Variants in ZNF467 observed in about 807,000 individuals in gnomAD.
The protein encoded by ZNF467 is zinc finger protein 467, also known as zinc finger protein EZI.
ZNF467 carries 51 observed loss-of-function variants against 47.8 expected under a neutral mutation model. The ratio of observed to expected loss-of-function variants is 1.07; its 90% CI spans 0.85 to 1.35. ZNF467 has a LOEUF of 1.35. Among genes scored for constraint, ZNF467 ranks in the 40% most tolerant of loss-of-function variants. The probability of loss-of-function intolerance (pLI) is 0.00; values close to 1 mark genes in which losing one functional copy is unlikely to be tolerated. For missense variants in ZNF467, 992 were observed against 858.1 expected (o/e 1.16, Z -1.95); for synonymous variants, 416 against 372.9 (o/e 1.12, Z -1.33).
rs1168400006 is a variant in ZNF467, at chr7:149,765,190, G to T, written c.1312C>A (p.Arg438Ser). The T allele has an allele frequency of 6.6e-7, 1 of 1,505,296 alleles. No individual in the cohort carries two copies. The allele number at this position is 1,505,296 out of a possible 1,614,324, so 93.2% of individuals were successfully genotyped here. A position where few individuals can be genotyped will look rare whatever the true frequency, so the allele number is the denominator to read the frequency against. Reference sequence around the variant, plus strand: ...AGGTGCTGCCCATGGGAGAAGCCGCGCCCGCAGTCCGGGCAGAAGAAGGAC... The same window carrying T: ...AGGTGCTGCCCATGGGAGAAGCCGCTCCCGCAGTCCGGGCAGAAGAAGGAC... ...ERSFFCPDCGRGFSHGQHLAR... is the reference protein window; with the variant it reads ...ERSFFCPDCGSGFSHGQHLAR... The change falls in exon 5 of 5, where the codon CGC becomes AGC. Residue 438 changes from arginine to serine, a missense_variant. Physicochemically the swap from Arg to Ser is moderately radical, Grantham distance 110. Transcript: ENST00000302017.
In ZNF467 at chr7:149,765,676, C is replaced by G; in HGVS notation, c.826G>C (p.Glu276Gln). 2 of 1,613,186 alleles carry G rather than the reference C, an allele frequency of 1.2e-6. No individual in the cohort carries two copies. The highest frequency in any genetic ancestry group is 1.7e-6 in the Non-Finnish European group (2 of 1,179,784). ...TTCTTGCGAAAGCGCTTCTCGCATT[C>G]CGTGCAGGGGAAGGGCCGCTCGCCG... ...HTGERPFPCT[E>Q]CEKRFRKKTH... The change falls in exon 5 of 5, where the codon GAA (glutamate) becomes CAA (glutamine). Residue 276 changes from glutamate to glutamine, a missense_variant. Physicochemically the swap from Glu to Gln is conservative, Grantham distance 29. Transcript: ENST00000302017.
intron 3 of ZNF467, 151 bp downstream of exon 3, chr7:149,770,289 G>C (rs1460570431): frequency 8.8e-6 from 5 of 571,240 alleles, no homozygotes; most frequent in Non-Finnish European, 1.2e-5. Context: ...ACACATAATA[G>C]GTGCTCAATA....
rs779727010 is a variant in ZNF467 at position 149,765,807 on chromosome 7, G to C, written c.695C>G (p.Thr232Ser). 1 of 1,610,814 alleles carries C rather than the reference G, an allele frequency of 6.2e-7. No homozygotes were observed. Among genetic ancestry groups the C allele is most frequent in the Admixed American group, 1.7e-5 (1 of 59,670 alleles). The part of the protein sequence containing the change: ...DKRFSKKAHL[T>S]RHLRTHTGER... ...GCCCGTGTGCGTGCGCAGGTGGCGG[G>C]TCAGATGGGCCTTCTTGCTGAAGCG... Residue 232 changes from threonine to serine, a missense_variant, in exon 5 of 5, where the codon ACC (threonine) becomes AGC (serine). Physicochemically the swap from Thr to Ser is moderately conservative, Grantham distance 58. Transcript: ENST00000302017.
chr7:149,773,831 TTCCACCCCGA>T (rs1330824433), upstream of ZNF467, among the ~76,000 whole-genome samples: 2 of 151,980 alleles, frequency 1.3e-5, no homozygotes, highest in African/African-American at 4.8e-5. Context: ...TCCACCCGGA[TTCCACCCCGA>T]TCCACCCAGA....
chr7:149,774,649 C>T (rs1053400376), upstream of ZNF467, among the ~76,000 whole-genome samples: 10 of 152,164 alleles, frequency 6.6e-5, no homozygotes, highest in South Asian at 2.1e-4. This position sits in a 1 kb window ranked among gnomAD's most constrained non-coding sequence, Gnocchi z 5.7. Flanking sequence ...TGTCACTGTG[C>T]GTGCTGGGGT....
rs773449536 is a variant in ZNF467 at position 149,765,132 on chromosome 7, C to A, written c.1370G>T (p.Arg457Leu). 2 of 1,482,912 alleles carry A rather than the reference C, an allele frequency of 1.3e-6. No homozygotes were observed. Among genetic ancestry groups the A allele is most frequent in the African/African-American group, 1.5e-5 (1 of 68,880 alleles). 91.9% of individuals were successfully genotyped at this position (1,482,912 alleles called of 1,614,324 possible). ...ARHPRVHTGE[R>L]PFACTQCDRR... Reference sequence around the variant, plus strand: ...GTCACACTGCGTGCAGGCGAAGGGCCGTTCGCCCGTGTGCACGCGCGGGTG... The same window carrying A: ...GTCACACTGCGTGCAGGCGAAGGGCAGTTCGCCCGTGTGCACGCGCGGGTG... Residue 457 changes from arginine (R) to leucine (L), a missense_variant, in exon 5 of 5, where the codon CGG becomes CTG. Physicochemically the swap from Arg to Leu is moderately radical, Grantham distance 102. Transcript: ENST00000302017.
chr7:149,764,675 GA>G lies in ZNF467; in HGVS notation c.*38del. The stretch of plus-strand genomic sequence containing the variant: ...GGCGGTCTCATGGCACGGGCCTCTC[GA>G]AACTGTGGGCAAGAAAGGGTCCTCG... On this transcript the variant is annotated 3_prime_UTR_variant, in exon 5 of 5. Transcript: ENST00000302017. The G allele has an allele frequency of 1.3e-6, 2 of 1,571,766 alleles. No homozygotes were observed. Among genetic ancestry groups the G allele is most frequent in the Non-Finnish European group, 1.7e-6 (2 of 1,155,978 alleles).
At position 149,765,806 on chromosome 7, in the gene ZNF467, G is replaced by A. The variant is rs562767716; in HGVS notation, c.696C>T (p.Thr232=). 5.3e-5 allele frequency: 85 copies of A among 1,610,740 alleles called. No individual in the cohort carries two copies. In the African/African-American group the frequency reaches 1.0e-3, roughly 19 times the overall value. ...DKRFSKKAHL[T]RHLRTHTGER... is the part of the protein sequence containing the mutation. ...CGCCCGTGTGCGTGCGCAGGTGGCGGGTCAGATGGGCCTTCTTGCTGAAGC... is the reference window on the plus strand; with the variant it reads ...CGCCCGTGTGCGTGCGCAGGTGGCGAGTCAGATGGGCCTTCTTGCTGAAGC... The change falls in exon 5 of 5, where the codon ACC becomes ACT. Residue 232 remains threonine (T), a synonymous_variant. Coordinates refer to ENST00000302017, the MANE Select transcript of ZNF467 (RefSeq NM_207336.3).
intron 2 of ZNF467, 114 bp downstream of exon 2, chr7:149,770,885 G>T (rs1799380788): frequency 2.2e-6 from 3 of 1,341,440 alleles, no homozygotes; most frequent in South Asian, 1.2e-5. Flanking sequence ...TGACCTACAG[G>T]CCCCTGGGGC....
In ZNF467 at chr7:149,765,293, C is replaced by T; in HGVS notation, c.1209G>A (p.Leu403=). 6.8e-7 allele frequency: 1 copy of T among 1,472,796 alleles called. No homozygotes were observed. The highest frequency in any genetic ancestry group is 9.0e-7 in the Non-Finnish European group (1 of 1,110,820). 91.2% of individuals were successfully genotyped at this position (1,472,796 alleles called of 1,614,324 possible). A position where few individuals can be genotyped will look rare whatever the true frequency, so the allele number is the denominator to read the frequency against. ...AGCCCGGTCCGCCAGGCGCGCTGGC[C>T]AGGGGCTTGGCGGCGGGGGCATCCA... The part of the protein sequence containing the change: ...ATVDAPAAKP[L]ASAPGGPGCG... Residue 403 remains leucine (L), a synonymous_variant, in exon 5 of 5, where the codon CTG becomes CTA. Transcript: ENST00000302017.
chr7:149,770,336 A>AAGGG lies in ZNF467; in HGVS notation c.151+100_151+103dup, dbSNP rs559103295. The AAGGG allele has an allele frequency of 4.7e-5, 28 of 599,758 alleles. No individual in the cohort carries two copies. The Middle Eastern group carries it at 1.2e-3, about 25-fold the overall frequency. 37.2% of individuals were successfully genotyped at this position (599,758 alleles called of 1,614,324 possible). ...AATGGAAGGAAGGAAGGAAAGAAGG[A>AAGGG]AGGGAGGGAGGGAGGGGGGAGGGAA... On this transcript the variant is annotated intron_variant, in intron 3 of 4. Transcript: ENST00000302017.
chr7:149,770,478 G>T lies in ZNF467; in HGVS notation c.113C>A (p.Ser38Tyr). ...CAGTGCTCTCTCTTCCCTAGAAGAG[G>T]ACATCTGCTCCTGGGCATTATGGGA... ...EGSHNAQEQM[S>Y]SSREERALGV... is the part of the protein sequence containing the mutation. The change falls in exon 3 of 5, where the codon TCC (serine) becomes TAC (tyrosine). Residue 38 changes from serine to tyrosine, a missense_variant. By Grantham distance (144) the Ser-to-Tyr change is moderately radical. Transcript: ENST00000302017. 1 of 1,613,730 alleles carries T rather than the reference G, an allele frequency of 6.2e-7. No homozygotes were observed.
upstream of ZNF467, among the ~76,000 whole-genome samples, chr7:149,775,399 G>C (rs1297791336): frequency 6.6e-6 from 1 of 152,182 alleles, no homozygotes; most frequent in Admixed American, 6.5e-5. Flanking sequence ...GGCAAGAGAG[G>C]GGCGGGAGGC....
Position 149,773,125 on chromosome 7 carries a change from C to G in ZNF467, c.-60G>C, listed in dbSNP as rs1799480177. The G allele has an allele frequency of 6.7e-6, 1 of 149,786 alleles. No individual in the cohort carries two copies. The highest frequency in any genetic ancestry group is 2.5e-5 in the African/African-American group (1 of 40,676). The allele number at this position is 149,786 out of a possible 1,614,324, so 9.3% of individuals were successfully genotyped here. ...GCCCTTACCTGGCTGGCCGGCCGCT[C>G]CGCCCGCGCCGCGGGGACCCAGGCG... On this transcript the variant is annotated 5_prime_UTR_variant, in exon 1 of 5. Coordinates refer to ENST00000302017, the MANE Select transcript of ZNF467 (RefSeq NM_207336.3).
chr7:149,769,215 G>C lies in ZNF467; in HGVS notation c.152-15C>G. 1 of 1,547,068 alleles carries C rather than the reference G, an allele frequency of 6.5e-7. No homozygotes were observed. The highest frequency in any genetic ancestry group is 1.2e-5 in the South Asian group (1 of 83,496). On this transcript the variant is annotated splice_polypyrimidine_tract_variant and intron_variant, in intron 3 of 4. Coordinates refer to ENST00000302017, the MANE Select transcript of ZNF467 (RefSeq NM_207336.3). This position sits in a 1 kb window ranked among gnomAD's most constrained non-coding sequence, Gnocchi z 5.3. ...GGCCTCGTGCCCTGGCAGAGAATAG[G>C]ATACCTCAAGGACTCTGGAGACATC...
At chr7:149,768,238 C>T (rs976497879) in intron 4 of ZNF467, among the ~76,000 whole-genome samples, 2 of 152,166 alleles carry the variant, frequency 1.3e-5, no homozygotes, top group African/African-American at 4.8e-5. Flanking sequence ...ATTTTCTCTT[C>T]TGAGGTATGG....
chr7:149,764,304 GA>G lies in ZNF467; in HGVS notation c.*409del. ...GTGGTCTGTGTGTGGATGGAGGTGG[GA>G]CAGTGGCTAAGGAGAGTCAGGTGTT... On this transcript the variant is annotated 3_prime_UTR_variant, in exon 5 of 5. Coordinates refer to ENST00000302017, the MANE Select transcript of ZNF467 (RefSeq NM_207336.3). The G allele has an allele frequency of 1.6e-5, 7 of 427,974 alleles. No homozygotes were observed. The South Asian group carries it at 1.9e-4, about 11-fold the overall frequency. 26.5% of individuals were successfully genotyped at this position (427,974 alleles called of 1,614,324 possible).
upstream of ZNF467, among the ~76,000 whole-genome samples, chr7:149,774,620 G>C (rs1189607063): frequency 6.6e-6 from 1 of 152,166 alleles, no homozygotes; most frequent in Admixed American, 6.5e-5. The surrounding 1 kb of genome is among the most constrained non-coding windows in gnomAD (Gnocchi z 5.7). Context: ...AGGATGAAGG[G>C]AGCACCTGGA....
At chr7:149,770,917 G>T in intron 2 of ZNF467, 82 bp downstream of exon 2, 1 of 1,582,068 alleles carries the variant, frequency 6.3e-7, no homozygotes, top group Non-Finnish European at 8.7e-7. Context: ...AGCCTCCTGA[G>T]GGTGGCTCTG....
Sources: gnomAD v4.1 joint callset for allele counts (sites outside exome capture counted in the v4.1 genomes callset) on GRCh38, gnomAD v4.1.1 for gene constraint, Gnocchi (gnomAD v3.1) non-coding constraint, MANE v1.5 for transcripts, NCBI Gene and HGNC (gene_info 2026-07-23, HGNC 2026-07-21) for gene names.